Variants in IP6K2 observed in about 807,000 individuals in gnomAD.
IP6K2 encodes ATP:1D-myo-inositol-hexakisphosphate phosphotransferase.
IP6K2 carries 9 observed loss-of-function variants against 43.3 expected under a neutral mutation model. The ratio of observed to expected loss-of-function variants is 0.21; its 90% CI spans 0.13 to 0.36. The LOEUF is 0.36. IP6K2 is among the 10% of genes least tolerant of loss of function. IP6K2 has a pLI of 1.00. For missense variants in IP6K2, 332 were observed against 538.4 expected, an observed-to-expected ratio of 0.62 and a Z score of 3.79; for synonymous variants, 209 against 202.4, an observed-to-expected ratio of 1.03 and a Z score of -0.28.
At position 48,717,194 on chromosome 3, in the gene IP6K2, A is replaced by G. The variant is rs751462522; in HGVS notation, c.-168T>C. The G allele has an allele frequency of 1.3e-5, 2 of 154,822 alleles. No individual in the cohort carries two copies. The highest frequency in any genetic ancestry group is 2.4e-5 in the African/African-American group (1 of 41,486). The allele number at this position is 154,822 out of a possible 1,614,324, so 9.6% of individuals were successfully genotyped here. Reference sequence around the variant, plus strand: ...CCGGGTTCCTCGGCGTTTCCGTCCTATTGTTTCTCTCGCACCAAAATGGCT... The same window carrying G: ...CCGGGTTCCTCGGCGTTTCCGTCCTGTTGTTTCTCTCGCACCAAAATGGCT... On this transcript the variant is annotated 5_prime_UTR_variant, in exon 1 of 6. Transcript: ENST00000328631.
intron 2 of IP6K2, chr3:48,693,754 C>T: frequency 9.6e-7 from 1 of 1,037,830 alleles, no homozygotes; most frequent in Non-Finnish European, 1.2e-6. Context: ...CACGGGTAGG[C>T]ACCCAGGCCT....
intron 1 of IP6K2, among the ~76,000 whole-genome samples, chr3:48,715,155 T>G (rs1360001444): frequency 6.6e-6 from 1 of 152,224 alleles, no homozygotes; most frequent in African/African-American, 2.4e-5. Flanking sequence ...TGCTTTAAAA[T>G]GTAATAACAT....
Position 48,695,035 on chromosome 3 carries a change from C to CGATCT in IP6K2, c.202+50_202+54dup. The CGATCT allele has an allele frequency of 6.2e-7, 1 of 1,614,026 alleles. No homozygotes were observed. The highest frequency in any genetic ancestry group is 8.5e-7 in the Non-Finnish European group (1 of 1,179,956). On this transcript the variant is annotated intron_variant, in intron 2 of 5. Transcript: ENST00000328631. This position sits in a 1 kb window ranked among gnomAD's most constrained non-coding sequence, Gnocchi z 4.6. ...TGGCTGCCAGGGCCTTCCATGGCCA[C>CGATCT]GATCTCTCACATCTCCTCGCCAGTG...
At chr3:48,716,458 A>G (rs1009349253) in intron 1 of IP6K2, 3 of 152,228 alleles carry the variant, frequency 2.0e-5, no homozygotes, top group Admixed American at 1.3e-4. Flanking sequence ...CTTAGTTGAT[A>G]TATGAGAACG....
intron 1 of IP6K2, among the ~76,000 whole-genome samples, chr3:48,704,092 A>AAAAAG (rs549076782): frequency 3.9e-5 from 6 of 152,338 alleles, no homozygotes; most frequent in East Asian, 3.9e-4. Context: ...CTCTATCTCA[A>AAAAAG]AAAAGAAAAG....
At chr3:48,692,247 C>T (rs1165388682) in intron 3 of IP6K2, among the ~76,000 whole-genome samples, 1 of 152,194 alleles carries the variant, frequency 6.6e-6, no homozygotes, top group Non-Finnish European at 1.5e-5. Context: ...CACATGTATA[C>T]CTCAAGAAAG....
chr3:48,695,514 G>A lies in IP6K2; in HGVS notation c.-130-93C>T, dbSNP rs945960113. 8 of 1,298,744 alleles carry A rather than the reference G, an allele frequency of 6.2e-6. No homozygotes were observed. The highest frequency in any genetic ancestry group is 2.8e-5 in the South Asian group (1 of 35,416). The allele number at this position is 1,298,744 out of a possible 1,614,324, so 80.5% of individuals were successfully genotyped here. On this transcript the variant is annotated intron_variant, in intron 1 of 5. Coordinates refer to ENST00000328631, the MANE Select transcript of IP6K2 (RefSeq NM_016291.4). The surrounding 1 kb of genome is among the most constrained non-coding windows in gnomAD (Gnocchi z 4.6). Reference sequence around the variant, plus strand: ...CCTGCTCCTTCAGCAGAAAGACAAAGACAAACAGTCTGAGTTCTTGCGGGA... The same window carrying A: ...CCTGCTCCTTCAGCAGAAAGACAAAAACAAACAGTCTGAGTTCTTGCGGGA...
At chr3:48,691,509 C>T in intron 3 of IP6K2, 27 bp from the exon 4 acceptor site, 2 of 1,555,330 alleles carry the variant, frequency 1.3e-6, no homozygotes, top group Non-Finnish European at 1.8e-6. Context: ...ACCAATAAAT[C>T]AGTATGTCTT....
chr3:48,700,918 C>T (rs2078947461), intron 1 of IP6K2, among the ~76,000 whole-genome samples: 1 of 152,184 alleles, frequency 6.6e-6, no homozygotes, highest in Non-Finnish European at 1.5e-5. Context: ...CTGCCTGGTA[C>T]ACATTCATAT....
chr3:48,693,979 C>CGATGGTTG, intron 2 of IP6K2: 1 of 1,385,286 alleles, frequency 7.2e-7, no homozygotes, highest in Non-Finnish European at 9.4e-7. Context: ...CAGGTGCCGA[C>CGATGGTTG]GAGCGCCTTA....
rs375195624 is a variant in IP6K2 at position 48,693,165 on chromosome 3, G to C, written c.217C>G (p.Arg73Gly). ...TPQYKGVVSV[R>G]FEEDEDRNLC... is the part of the protein sequence containing the mutation. ...TTCCTGTCTTCATCTTCTTCAAAGCGCACAGATACCACACCTGGAAGGGGG... is the reference window on the plus strand; with the variant it reads ...TTCCTGTCTTCATCTTCTTCAAAGCCCACAGATACCACACCTGGAAGGGGG... Residue 73 changes from arginine (R) to glycine (G), a missense_variant, in exon 3 of 6, where the codon CGC becomes GGC. By Grantham distance (125) the Arg-to-Gly change is moderately radical. Coordinates refer to ENST00000328631, the MANE Select transcript of IP6K2 (RefSeq NM_016291.4). 4 of 1,613,598 alleles carry C rather than the reference G, an allele frequency of 2.5e-6. No homozygotes were observed. In the African/African-American group the frequency reaches 5.3e-5, roughly 22 times the overall value.
chr3:48,703,708 C>T lies in IP6K2; in HGVS notation c.-130-8287G>A, dbSNP rs182319848. 1.6e-3 allele frequency among the ~76,000 whole-genome samples: 247 copies of T among 152,030 alleles called. 1 individual carries two copies. The highest frequency in any genetic ancestry group is 3.4e-3 in the Middle Eastern group (1 of 292). On this transcript the variant is annotated intron_variant, in intron 1 of 5. Transcript: ENST00000328631. The stretch of plus-strand genomic sequence containing the variant: ...CTCCAGCCTGGGACACAGAGCTAGA[C>T]TCTGTCTCAAAAAACAAAACAAAAC...
In IP6K2 at chr3:48,705,685, T is replaced by C. The variant is rs935024365; in HGVS notation, c.-130-10264A>G. On this transcript the variant is annotated intron_variant, in intron 1 of 5. Coordinates refer to ENST00000328631, the MANE Select transcript of IP6K2 (RefSeq NM_016291.4). ...AAAAAAAAAGGCTATTCACAAGCCT[T>C]CTCTAAAAGAATTATTCAAGGATAT... Among the ~76,000 whole-genome samples the C allele has an allele frequency of 3.3e-5, 5 of 150,676 alleles. 1 individual carries two copies. The highest frequency in any genetic ancestry group is 1.2e-4 in the African/African-American group (5 of 41,062).
rs61754207 is a variant in IP6K2 at position 48,693,117 on chromosome 3, A to G, written c.265T>C (p.Leu89=). The change falls in exon 3 of 6, where the codon TTG becomes CTG. Residue 89 remains leucine, a synonymous_variant. Transcript: ENST00000328631. ...DRNLCLIAYP[L]KGDHGIVDIV... ...TCCACAATTCCATGGTCCCCTTTCA[A>G]TGGATATGCTATTAGACACAAGTTC... 3.5e-4 allele frequency: 560 copies of G among 1,614,240 alleles called. No individual in the cohort carries two copies. The highest frequency in any genetic ancestry group is 4.3e-4 in the Non-Finnish European group (510 of 1,180,050).
intron 1 of IP6K2, among the ~76,000 whole-genome samples, chr3:48,701,567 C>CAAAA (rs67509214): frequency 4.2e-5 from 2 of 47,448 alleles, no homozygotes; most frequent in African/African-American, 9.4e-5. Flanking sequence ...GACTCCGTCT[C>CAAAA]AAAAAAAAAA....
chr3:48,692,919 C>CACA (rs765667345), intron 3 of IP6K2, 35 bp downstream of exon 3: 4 of 1,505,212 alleles, frequency 2.7e-6, no homozygotes, highest in Non-Finnish European at 3.7e-6. Flanking sequence ...CTTCCCCTCC[C>CACA]ACATAGCCCA....
intron 1 of IP6K2, among the ~76,000 whole-genome samples, chr3:48,708,760 T>C (rs1202850897): frequency 6.6e-6 from 1 of 152,190 alleles, no homozygotes; most frequent in East Asian, 1.9e-4. Context: ...GTCATGGTTC[T>C]TTCATATGCC....
intron 2 of IP6K2, chr3:48,693,951 C>G: frequency 7.3e-7 from 1 of 1,364,908 alleles, no homozygotes; most frequent in Non-Finnish European, 9.4e-7. Flanking sequence ...ATGGGGCTGT[C>G]AGGTGGGGGC....
chr3:48,711,495 A>T (rs751264656), intron 1 of IP6K2: 17 of 152,202 alleles, frequency 1.1e-4, no homozygotes, highest in Non-Finnish European at 2.1e-4. Context: ...CCTCATGCTC[A>T]GATACAAACA....
Sources: gnomAD v4.1 joint callset for allele counts (sites outside exome capture counted in the v4.1 genomes callset) on GRCh38, gnomAD v4.1.1 for gene constraint, Gnocchi (gnomAD v3.1) non-coding constraint, MANE v1.5 for transcripts, NCBI Gene and HGNC (gene_info 2026-07-23, HGNC 2026-07-21) for gene names.